The following ROBO2 variants were observed in gnomAD, a reference collection of about 807,000 sequenced individuals.
ROBO2 encodes roundabout homolog 2.
Under a neutral mutation model 160.8 loss-of-function variants are expected in ROBO2, and 53 were observed. That is an observed-to-expected ratio of 0.33 (90% CI 0.26 to 0.41). The LOEUF (loss-of-function observed/expected upper bound fraction) is 0.41, where lower values mean the gene tolerates loss of function less well. ROBO2 is among the 10% of genes least tolerant of loss of function. The pLI is 1.00. For synonymous variants in ROBO2, 664 were observed against 611.7 expected, an observed-to-expected ratio of 1.09 and a Z score of -1.26; for missense variants, 1,577 against 1,722.4, an observed-to-expected ratio of 0.92 and a Z score of 1.49.
At chr3:76,103,276 C>T (rs185469678) in intron 2 of ROBO2, among the ~76,000 whole-genome samples, 6 of 152,296 alleles carry the variant, frequency 3.9e-5, no homozygotes, top group African/African-American at 1.4e-4. Flanking sequence ...TTTTAAATAA[C>T]TGTGTGCTTT....
chr3:76,972,709 A>T (rs1204509833), intron 2 of ROBO2, among the ~76,000 whole-genome samples: 1 of 152,034 alleles, frequency 6.6e-6, no homozygotes, highest in Non-Finnish European at 1.5e-5. Flanking sequence ...ATCAAAGAAA[A>T]TTAGCCAAGC....
intron 2 of ROBO2, among the ~76,000 whole-genome samples, chr3:76,236,245 C>A (rs761161283): frequency 1.5e-4 from 23 of 151,962 alleles, no homozygotes; most frequent in Non-Finnish European, 2.2e-4. Context: ...TAACTAAAAA[C>A]ATTCTAATTA....
At chr3:76,630,868 A>G (rs923403865) in intron 2 of ROBO2, among the ~76,000 whole-genome samples, 6 of 152,236 alleles carry the variant, frequency 3.9e-5, no homozygotes, top group Non-Finnish European at 8.8e-5. Flanking sequence ...GAATCCTAAA[A>G]TTAAATTCAG....
intron 2 of ROBO2, among the ~76,000 whole-genome samples, chr3:76,737,897 A>C (rs184978488): frequency 1.3e-3 from 193 of 152,320 alleles, no homozygotes; most frequent in African/African-American, 4.3e-3. Context: ...CTGTAATTCC[A>C]GCACTTTGGG....
intron 2 of ROBO2, among the ~76,000 whole-genome samples, chr3:76,188,022 A>C (rs556506596): frequency 6.6e-6 from 1 of 152,098 alleles, no homozygotes; most frequent in African/African-American, 2.4e-5. Context: ...CTGTGCACTC[A>C]GATTGCAAAG....
intron 7 of ROBO2, among the ~76,000 whole-genome samples, chr3:77,549,829 T>A (rs2092846051): frequency 6.6e-6 from 1 of 152,036 alleles, no homozygotes; most frequent in Non-Finnish European, 1.5e-5. Context: ...TTGCAACGTA[T>A]TGAAACTGTT....
intron 2 of ROBO2, among the ~76,000 whole-genome samples, chr3:76,453,485 G>T (rs1374706677): frequency 3.9e-5 from 6 of 152,074 alleles, no homozygotes; most frequent in Non-Finnish European, 7.4e-5. Context: ...TCAGATAGTT[G>T]TAGATATGCG....
intron 2 of ROBO2, among the ~76,000 whole-genome samples, chr3:77,383,110 T>C (rs975097363): frequency 6.6e-6 from 1 of 152,170 alleles, no homozygotes; most frequent in Non-Finnish European, 1.5e-5. Flanking sequence ...CTTATTTTCA[T>C]TAATAAACTT....
intron 2 of ROBO2, among the ~76,000 whole-genome samples, chr3:76,854,042 C>CTT (rs2069738029): frequency 1.1e-5 from 1 of 89,106 alleles, no homozygotes; most frequent in Non-Finnish European, 2.4e-5. Flanking sequence ...CTCTCTCTCT[C>CTT]TCTCTCTCTC....
chr3:77,635,115 A>C (rs2095241730), intron 24 of ROBO2, 72 bp downstream of exon 25: 1 of 1,521,020 alleles, frequency 6.6e-7, no homozygotes, highest in African/African-American at 1.4e-5. Flanking sequence ...ACTTAGATTA[A>C]TGTAGTCATG....
At chr3:77,074,737 GATGAATGA>G (rs60736267) in intron 1 of ROBO2, among the ~76,000 whole-genome samples, 13 of 151,690 alleles carry the variant, frequency 8.6e-5, no homozygotes, top group South Asian at 6.2e-4. Context: ...ATGAATAAGT[GATGAATGA>G]ATGAATGAAT....
At chr3:77,054,178 G>C (rs948825782) in intron 1 of ROBO2, among the ~76,000 whole-genome samples, 2 of 152,102 alleles carry the variant, frequency 1.3e-5, no homozygotes, top group African/African-American at 2.4e-5. Flanking sequence ...CCTTTTTAGA[G>C]TGAATATAGC....
At chr3:77,057,980 A>C (rs1320026224) in intron 1 of ROBO2, among the ~76,000 whole-genome samples, 3 of 152,148 alleles carry the variant, frequency 2.0e-5, no homozygotes, top group African/African-American at 7.2e-5. Flanking sequence ...TCCAGAACTT[A>C]AAGTAAAATT....
chr3:77,345,204 T>C (rs2067499867), intron 2 of ROBO2, among the ~76,000 whole-genome samples: 1 of 152,108 alleles, frequency 6.6e-6, no homozygotes, highest in Non-Finnish European at 1.5e-5. Flanking sequence ...GACTAGTTGA[T>C]GATGTTGGTT....
intron 2 of ROBO2, among the ~76,000 whole-genome samples, chr3:76,025,072 G>A (rs1313413935): frequency 6.0e-5 from 9 of 151,094 alleles, no homozygotes; most frequent in South Asian, 4.2e-4. Context: ...CATAGTGTTA[G>A]TAAGTCGATC....
intron 2 of ROBO2, among the ~76,000 whole-genome samples, chr3:76,144,833 C>T (rs1029029647): frequency 6.6e-6 from 1 of 151,860 alleles, no homozygotes; most frequent in East Asian, 1.9e-4. Flanking sequence ...AAAAGAGTTC[C>T]ATGGCTTTCA....
intron 2 of ROBO2, among the ~76,000 whole-genome samples, chr3:76,825,714 C>A (rs930204577): frequency 6.6e-6 from 1 of 150,950 alleles, no homozygotes; most frequent in Non-Finnish European, 1.5e-5. Context: ...CTCAATGACC[C>A]TGTCATTATC....
intron 2 of ROBO2, among the ~76,000 whole-genome samples, chr3:77,098,755 C>T (rs1039745521): frequency 1.5e-4 from 23 of 152,154 alleles, no homozygotes; most frequent in South Asian, 1.0e-3. Context: ...ACTCGGGAGG[C>T]TGAGGCAGGA....
intron 2 of ROBO2, among the ~76,000 whole-genome samples, chr3:77,252,016 T>G (rs1322185134): frequency 1.3e-5 from 2 of 152,174 alleles, no homozygotes; most frequent in Non-Finnish European, 2.9e-5. Flanking sequence ...AATTATAAAT[T>G]TTATCTTTAA....
Sources: allele counts gnomAD v4.1 joint callset (sites outside exome capture counted in the v4.1 genomes callset), GRCh38; gene constraint gnomAD v4.1.1; transcripts MANE v1.5; gene names NCBI Gene and HGNC (gene_info 2026-07-23, HGNC 2026-07-21).